VWDE: variants seen among roughly 807,000 people sequenced by gnomAD.
VWDE encodes von Willebrand factor D and EGF domains, also known as von Willebrand factor D and EGF domain-containing protein.
Under a neutral mutation model 178.4 loss-of-function variants are expected in VWDE, and 207 were observed. The ratio of observed to expected loss-of-function variants is 1.16; its 90% CI spans 1.04 to 1.30. VWDE has a LOEUF of 1.30. Among genes scored for constraint, VWDE ranks in the 50% most tolerant of loss-of-function variants. The pLI, the probability that VWDE is intolerant of heterozygous loss-of-function variation, is 0.00. For synonymous variants in VWDE, 738 were observed against 651.4 expected, an observed-to-expected ratio of 1.13 and a Z score of -2.02; for missense variants, 2,287 against 1,901.3, an observed-to-expected ratio of 1.20 and a Z score of -3.77.
Position 12,355,289 on chromosome 7 carries a change from G to A in VWDE, c.3745+822C>T, listed in dbSNP as rs959124058. Among the ~76,000 whole-genome samples the A allele has an allele frequency of 9.9e-5, 15 of 151,856 alleles. 1 individual carries two copies. Among genetic ancestry groups the A allele is most frequent in the Admixed American group, 9.2e-4 (14 of 15,258 alleles). ...AAAATTAGCCGGGCTGGTGGCGGGC[G>A]CCTGTAGTCCCAGCCACTCGGGAGG... On this transcript the variant is annotated intron_variant, in intron 18 of 28. Transcript: ENST00000275358.
chr7:12,380,619 T>C lies in VWDE; in HGVS notation c.656A>G (p.Asn219Ser). The C allele has an allele frequency of 1.3e-6, 2 of 1,552,174 alleles. No homozygotes were observed. The highest frequency in any genetic ancestry group is 1.7e-6 in the Non-Finnish European group (2 of 1,147,112). The stretch of plus-strand genomic sequence containing the variant: ...CCAAGCTATGTGAAATCCCACTGAG[T>C]TTTTTGTAGCGGGAACATCAAAAGA... ...RCSFDVPATK[N>S]SVGFHIAWSR... The change falls in exon 5 of 29, where the codon AAC (asparagine) becomes AGC (serine). Residue 219 changes from asparagine (N) to serine (S), a missense_variant. By Grantham distance (46) the Asn-to-Ser change is conservative. Coordinates refer to ENST00000275358, the MANE Select transcript of VWDE (RefSeq NM_001135924.3).
chr7:12,370,965 C>T (rs1048603079), intron 10 of VWDE, 101 bp from the exon 11 acceptor site: 45 of 896,918 alleles, frequency 5.0e-5, no homozygotes, highest in Non-Finnish European at 6.8e-5. Flanking sequence ...TAGTTATTCC[C>T]TCAATATAAA....
intron 2 of VWDE, among the ~76,000 whole-genome samples, chr7:12,389,747 G>A (rs1026784320): frequency 2.0e-5 from 3 of 152,150 alleles, no homozygotes; most frequent in Non-Finnish European, 4.4e-5. Flanking sequence ...GAAAACTCTT[G>A]CAAAATTGCT....
intron 7 of VWDE, 99 bp from the exon 8 acceptor site, chr7:12,375,326 T>C (rs1386414240): frequency 2.0e-6 from 2 of 989,616 alleles, no homozygotes; most frequent in South Asian, 1.7e-5. Flanking sequence ...TGTAAGATTA[T>C]TCTCAAATTA....
intron 19 of VWDE, among the ~76,000 whole-genome samples, chr7:12,348,205 C>A (rs201029984): frequency 1.4e-4 from 3 of 20,788 alleles, no homozygotes; most frequent in Non-Finnish European, 1.6e-4. Flanking sequence ...AATGGCAACA[C>A]AAAGCCAAAA....
At chr7:12,363,885 T>C (rs1782713962) in intron 13 of VWDE, among the ~76,000 whole-genome samples, 1 of 152,022 alleles carries the variant, frequency 6.6e-6, no homozygotes, top group Non-Finnish European at 1.5e-5. Context: ...ATAAAACAGA[T>C]AACCACTCTA....
In VWDE at chr7:12,403,761, C is replaced by A. The variant is rs1019469502; in HGVS notation, c.-45G>T. 1.9e-6 allele frequency: 3 copies of A among 1,546,824 alleles called. No homozygotes were observed. Among genetic ancestry groups the A allele is most frequent in the African/African-American group, 2.7e-5 (2 of 72,970 alleles). ...GCGAAAGGCGTCGCAGAGCCCGGGCCGCGGGTGCCAGGAGGATGGGGCCAC... is the reference window on the plus strand; with the variant it reads ...GCGAAAGGCGTCGCAGAGCCCGGGCAGCGGGTGCCAGGAGGATGGGGCCAC... On this transcript the variant is annotated 5_prime_UTR_variant, in exon 1 of 29. Transcript: ENST00000275358.
At chr7:12,337,822 T>A (rs2024439) in intron 24 of VWDE, among the ~76,000 whole-genome samples, 95,220 of 152,006 alleles carry the variant, frequency 0.63, 30,208 homozygotes, top group African/African-American at 0.74. Flanking sequence ...TAGATAATTT[T>A]GAATATATCT....
chr7:12,396,951 C>T (rs768504086), intron 1 of VWDE, among the ~76,000 whole-genome samples: 1 of 151,378 alleles, frequency 6.6e-6, no homozygotes, highest in Non-Finnish European at 1.5e-5. Flanking sequence ...TAAAATCAAA[C>T]AAACAAAAAA....
intron 22 of VWDE, 138 bp from the exon 23 acceptor site, chr7:12,342,292 A>G (rs77399278): frequency 0.014 from 7,849 of 574,036 alleles, 83 homozygotes; most frequent in Non-Finnish European, 0.019. Flanking sequence ...TACAATTTAT[A>G]TTCGGGTTTC....
At chr7:12,366,009 A>C (rs1782838839) in intron 13 of VWDE, among the ~76,000 whole-genome samples, 1 of 151,944 alleles carries the variant, frequency 6.6e-6, no homozygotes, top group African/African-American at 2.4e-5. Flanking sequence ...CATGATAGTA[A>C]GGAAATTCTC....
intron 19 of VWDE, among the ~76,000 whole-genome samples, chr7:12,349,032 C>A (rs980988697): frequency 1.3e-5 from 2 of 151,996 alleles, no homozygotes; most frequent in African/African-American, 4.8e-5. Context: ...ACAATGAGAA[C>A]ACATGGACAC....
chr7:12,365,462 T>A (rs1264059020), intron 13 of VWDE, among the ~76,000 whole-genome samples: 1 of 152,050 alleles, frequency 6.6e-6, no homozygotes, highest in Non-Finnish European at 1.5e-5. Flanking sequence ...TCATTAAGGA[T>A]TTTGCATGAC....
chr7:12,335,518 C>T lies in VWDE; in HGVS notation c.4654+623G>A, dbSNP rs1027137504. On this transcript the variant is annotated intron_variant, in intron 27 of 28. Transcript: ENST00000275358. ...TCGCCCAGGCCGGAGTGCAGTGGCG[C>T]GATCTCTGCTCACTGCAAGCTCTGC... is the stretch of plus-strand genomic sequence containing the variant. Among the ~76,000 whole-genome samples, 8 of 151,908 alleles carry T rather than the reference C, an allele frequency of 5.3e-5. No homozygotes were observed. In the East Asian group the frequency reaches 5.8e-4, roughly 11 times the overall value.
At chr7:12,357,613 TG>T in intron 16 of VWDE, 98 bp from the exon 17 acceptor site, 1 of 1,343,946 alleles carries the variant, frequency 7.4e-7, no homozygotes, top group East Asian at 2.5e-5. Flanking sequence ...TGATAAAGAC[TG>T]AACTCTGCTA....
chr7:12,364,428 G>C (rs1782750109), intron 13 of VWDE, among the ~76,000 whole-genome samples: 1 of 152,120 alleles, frequency 6.6e-6, no homozygotes, highest in Non-Finnish European at 1.5e-5. Flanking sequence ...TATGATGCCA[G>C]AATGTGATAA....
intron 28 of VWDE, among the ~76,000 whole-genome samples, chr7:12,333,073 A>G (rs1455336814): frequency 6.6e-6 from 1 of 152,212 alleles, no homozygotes; most frequent in East Asian, 1.9e-4. Context: ...GAAATTTAAG[A>G]TTAGAGACAA....
At chr7:12,347,340 G>A (rs1260540425) in intron 19 of VWDE, among the ~76,000 whole-genome samples, 1 of 152,070 alleles carries the variant, frequency 6.6e-6, no homozygotes, top group Non-Finnish European at 1.5e-5. Context: ...TAAGAAAAGA[G>A]CATATGTTAG....
At chr7:12,333,606 C>T in intron 27 of VWDE, 38 bp from the exon 28 acceptor site, 1 of 1,380,392 alleles carries the variant, frequency 7.2e-7, no homozygotes, top group Non-Finnish European at 1.0e-6. Context: ...CATCCTTTGA[C>T]ATGAAATGCT....
Sources: gnomAD v4.1 joint callset for allele counts (sites outside exome capture counted in the v4.1 genomes callset) on GRCh38, gnomAD v4.1.1 for gene constraint, MANE v1.5 for transcripts, NCBI Gene and HGNC (gene_info 2026-07-23, HGNC 2026-07-21) for gene names.